The following AKAP7 variants were observed in gnomAD, a reference collection of about 807,000 sequenced individuals.
AKAP7 encodes the protein A kinase (PRKA) anchor protein 7.
In AKAP7, 39 loss-of-function variants were observed where a neutral mutation model predicts 39.5. That is an observed-to-expected ratio of 0.99 (90% CI 0.76 to 1.29). AKAP7 has a LOEUF of 1.29. Ranked by LOEUF, AKAP7 falls within the 50% of genes most tolerant of loss-of-function variation. The pLI is 0.00. For synonymous variants in AKAP7, 140 were observed against 139.1 expected (o/e 1.01, Z -0.05); for missense variants, 414 against 407.7 (o/e 1.02, Z -0.13).
intron 7 of AKAP7, among the ~76,000 whole-genome samples, chr6:131,279,337 C>T (rs775404055): frequency 3.3e-5 from 5 of 152,150 alleles, no homozygotes; most frequent in African/African-American, 4.8e-5. Context: ...TGCACGATCT[C>T]GGCTCACTGC....
Position 131,281,174 on chromosome 6 carries a change from C to T in AKAP7, c.851-356C>T, listed in dbSNP as rs1158090586. ...AGAATGAGAAGCAGACATAGGCCTA[C>T]TTAGTGAATTCACATGTCTGAGACT... On this transcript the variant is annotated intron_variant, in intron 7 of 7. Coordinates refer to ENST00000431975, the MANE Select transcript of AKAP7 (RefSeq NM_016377.4). This position sits in a 1 kb window ranked among gnomAD's most constrained non-coding sequence, Gnocchi z 4.0. Among the ~76,000 whole-genome samples, 1 of 152,174 alleles carries T rather than the reference C, an allele frequency of 6.6e-6. No homozygotes were observed. The highest frequency in any genetic ancestry group is 1.5e-5 in the Non-Finnish European group (1 of 68,028).
intron 7 of AKAP7, among the ~76,000 whole-genome samples, chr6:131,237,024 A>G (rs907604704): frequency 6.6e-6 from 1 of 152,256 alleles, no homozygotes; most frequent in Non-Finnish European, 1.5e-5. Context: ...TCCATTCAGT[A>G]TGATATTGGC....
chr6:131,218,290 T>C (rs1322751425), intron 6 of AKAP7, among the ~76,000 whole-genome samples: 2 of 152,220 alleles, frequency 1.3e-5, no homozygotes, highest in South Asian at 2.1e-4. Flanking sequence ...TGAAGTACTA[T>C]GGAGAAAAAT....
rs200437785 is a variant in AKAP7, at chr6:131,262,612, T to A, written c.851-18918T>A. On this transcript the variant is annotated intron_variant, in intron 7 of 7. Coordinates refer to ENST00000431975, the MANE Select transcript of AKAP7 (RefSeq NM_016377.4). ...TGACCACTTCAAAAGAAATAATTTT[T>A]AAAAAAATATATATATATTGCAATA... 8.4e-4 allele frequency among the ~76,000 whole-genome samples: 123 copies of A among 146,048 alleles called. No homozygotes were observed. In the East Asian group the frequency reaches 9.4e-3, roughly 11 times the overall value.
At chr6:131,266,922 G>A (rs1434240133) in intron 7 of AKAP7, among the ~76,000 whole-genome samples, 1 of 152,214 alleles carries the variant, frequency 6.6e-6, no homozygotes, top group East Asian at 1.9e-4. Context: ...CAAGCAAGAT[G>A]TACTGACCAA....
chr6:131,241,607 G>GTATACGTATATATA (rs888353051), intron 7 of AKAP7, among the ~76,000 whole-genome samples: 9 of 130,048 alleles, frequency 6.9e-5, no homozygotes, highest in East Asian at 2.0e-4. Context: ...GTGTGTGTGT[G>GTATACGTATATATA]TGTGTGTGTG....
intron 2 of AKAP7, among the ~76,000 whole-genome samples, chr6:131,152,086 T>C (rs1801968992): frequency 6.7e-6 from 1 of 149,800 alleles, no homozygotes; most frequent in Admixed American, 6.6e-5. Flanking sequence ...ACAGCCTTTG[T>C]CAGCAAGACC....
rs906399892 is a variant in AKAP7 at position 131,219,558 on chromosome 6, A to G, written c.703-103A>G. 21 of 1,058,076 alleles carry G rather than the reference A, an allele frequency of 2.0e-5. No homozygotes were observed. In the Admixed American group the frequency reaches 3.2e-4, roughly 16 times the overall value. 65.5% of individuals were successfully genotyped at this position (1,058,076 alleles called of 1,614,324 possible). On this transcript the variant is annotated intron_variant, in intron 6 of 7. Transcript: ENST00000431975. ...TCAAGTGCCAGTAGGCAGTGGTGTA[A>G]CAATGTAGTAATGTAATAATCAGGT...
chr6:131,132,237 C>T (rs1336317667), upstream of AKAP7, among the ~76,000 whole-genome samples: 3 of 151,544 alleles, frequency 2.0e-5, no homozygotes, highest in African/African-American at 4.9e-5. Context: ...GGCGGGAACC[C>T]GGGAGGCGGA....
chr6:131,260,560 T>G (rs1813229354), intron 7 of AKAP7, among the ~76,000 whole-genome samples: 1 of 152,246 alleles, frequency 6.6e-6, no homozygotes, highest in African/African-American at 2.4e-5. Flanking sequence ...TCAGTGATGC[T>G]GAGCTGTTTT....
At chr6:131,246,912 G>A (rs1812048094) in intron 7 of AKAP7, among the ~76,000 whole-genome samples, 1 of 152,068 alleles carries the variant, frequency 6.6e-6, no homozygotes, top group African/African-American at 2.4e-5. Context: ...TGGATCAAAT[G>A]CTTAGGGTTT....
At chr6:131,134,773 T>C (rs749421710), upstream of AKAP7, among the ~76,000 whole-genome samples, 2 of 152,212 alleles carry the variant, frequency 1.3e-5, no homozygotes, top group Non-Finnish European at 2.9e-5. Flanking sequence ...TATTCTACGA[T>C]GCATTCAACA....
chr6:131,167,636 T>C (rs1025963005), intron 4 of AKAP7, among the ~76,000 whole-genome samples: 1 of 152,146 alleles, frequency 6.6e-6, no homozygotes, highest in African/African-American at 2.4e-5. Flanking sequence ...TGAGAAATGT[T>C]GACATTTACA....
chr6:131,180,523 G>A (rs1455487172), intron 5 of AKAP7, among the ~76,000 whole-genome samples: 1 of 152,134 alleles, frequency 6.6e-6, no homozygotes, highest in Non-Finnish European at 1.5e-5. Context: ...TAAAAGAGTT[G>A]CCTGTATTCT....
intron 5 of AKAP7, chr6:131,184,915 T>G: frequency 2.2e-6 from 2 of 904,888 alleles, no homozygotes; most frequent in Non-Finnish European, 1.9e-6. Context: ...CAGCTCCTTA[T>G]GGGCACTGCC....
intron 5 of AKAP7, chr6:131,185,185 C>G: frequency 2.0e-6 from 1 of 499,498 alleles, no homozygotes; most frequent in Non-Finnish European, 3.8e-6. Flanking sequence ...AGGGTGGGGT[C>G]TGTGTCTGGC....
At chr6:131,219,237 C>T (rs1017165908) in intron 6 of AKAP7, among the ~76,000 whole-genome samples, 51 of 151,058 alleles carry the variant, frequency 3.4e-4, no homozygotes, top group African/African-American at 1.2e-3. Context: ...TTGCAGTGAG[C>T]CGAGATCGCG....
chr6:131,221,319 C>G (rs1474009287), intron 7 of AKAP7, among the ~76,000 whole-genome samples: 1 of 152,178 alleles, frequency 6.6e-6, no homozygotes. Context: ...GAAAGGTGAG[C>G]AAGGTGCAGA....
chr6:131,148,433 C>T (rs1022982050), intron 2 of AKAP7, among the ~76,000 whole-genome samples: 1 of 150,100 alleles, frequency 6.7e-6, no homozygotes, highest in Non-Finnish European at 1.5e-5. Context: ...ACTTCATTAT[C>T]TACTTGGACC....
Sources: allele counts gnomAD v4.1 joint callset (sites outside exome capture counted in the v4.1 genomes callset), GRCh38; gene constraint gnomAD v4.1.1; non-coding constraint Gnocchi (gnomAD v3.1); transcripts MANE v1.5; gene names NCBI Gene and HGNC (gene_info 2026-07-23, HGNC 2026-07-21).